The following DCDC2 variants were observed in gnomAD, a reference collection of about 807,000 sequenced individuals.
The protein encoded by DCDC2 is doublecortin domain-containing protein 2.
In DCDC2, 40 loss-of-function variants were observed where a neutral mutation model predicts 50.2. The observed-to-expected ratio is 0.80, with a 90% confidence interval of 0.62 to 1.04. DCDC2 has a LOEUF of 1.04. Among genes scored for constraint, DCDC2 ranks in the 50% least tolerant of loss-of-function variants. The probability of loss-of-function intolerance (pLI) is 0.00; values close to 1 mark genes in which losing one functional copy is unlikely to be tolerated. For synonymous variants in DCDC2, 234 were observed against 210.6 expected, an observed-to-expected ratio of 1.11 and a Z score of -0.96; for missense variants, 570 against 581.9, an observed-to-expected ratio of 0.98 and a Z score of 0.21.
chr6:24,290,680 A>C (rs1260162398), intron 5 of DCDC2, among the ~76,000 whole-genome samples: 1 of 149,712 alleles, frequency 6.7e-6, no homozygotes, highest in Non-Finnish European at 1.5e-5. Context: ...GCATTTACTT[A>C]TAAATTTCAT....
At chr6:24,195,419 C>A (rs1761411029) in intron 8 of DCDC2, among the ~76,000 whole-genome samples, 1 of 152,104 alleles carries the variant, frequency 6.6e-6, no homozygotes, top group Non-Finnish European at 1.5e-5. Context: ...ACCATTTTAA[C>A]CACTCTTAAG....
At chr6:24,358,315 A>C (rs1467389013), upstream of DCDC2, 1 of 177,618 alleles carries the variant, frequency 5.6e-6, no homozygotes, top group Non-Finnish European at 1.3e-5. Context: ...CTTTGCTGGA[A>C]GATAAATGTG....
intron 7 of DCDC2, among the ~76,000 whole-genome samples, chr6:24,248,952 T>C (rs1382431272): frequency 1.3e-5 from 2 of 152,180 alleles, no homozygotes; most frequent in African/African-American, 4.8e-5. Context: ...GCCCCATCCA[T>C]CCATCCAGTG....
chr6:24,217,618 G>A (rs967630714), intron 7 of DCDC2, among the ~76,000 whole-genome samples: 1 of 152,118 alleles, frequency 6.6e-6, no homozygotes, highest in Non-Finnish European at 1.5e-5. Flanking sequence ...CAGGTAATAG[G>A]CCTGAATTGC....
At position 24,216,746 on chromosome 6, in the gene DCDC2, C is replaced by T. The variant is rs147286005; in HGVS notation, c.923-11644G>A. 3.3e-4 allele frequency among the ~76,000 whole-genome samples: 51 copies of T among 152,360 alleles called. 1 individual carries two copies. The East Asian group carries it at 9.4e-3, about 28-fold the overall frequency. ...ACAAGCATGTCTCATGAAATGCAAA[C>T]ATTTGTACAGAAATTTAAACAATTC... On this transcript the variant is annotated intron_variant, in intron 7 of 9. Transcript: ENST00000378454.
intron 7 of DCDC2, among the ~76,000 whole-genome samples, chr6:24,220,925 A>AGAGAGTGAGCGAGC (rs1762105886): frequency 3.3e-5 from 5 of 152,118 alleles, no homozygotes; most frequent in South Asian, 2.1e-4. Context: ...CGAGCGAGCG[A>AGAGAGTGAGCGAGC]GAGCACATGC....
chr6:24,262,582 G>T (rs960242506), intron 7 of DCDC2, among the ~76,000 whole-genome samples: 1 of 152,154 alleles, frequency 6.6e-6, no homozygotes, highest in African/African-American at 2.4e-5. Flanking sequence ...AGTACAGCTC[G>T]CAGCTTTGGG....
At chr6:24,346,575 A>G (rs867018954) in intron 2 of DCDC2, among the ~76,000 whole-genome samples, 1 of 152,072 alleles carries the variant, frequency 6.6e-6, no homozygotes, top group South Asian at 2.1e-4. Context: ...AGCCAACATG[A>G]CAAACCCCCA....
At chr6:24,263,349 G>T (rs1407346142) in intron 7 of DCDC2, among the ~76,000 whole-genome samples, 1 of 152,050 alleles carries the variant, frequency 6.6e-6, no homozygotes, top group Non-Finnish European at 1.5e-5. Flanking sequence ...AACATCCAAA[G>T]CATCGAGACC....
chr6:24,361,169 G>A (rs1384426947), upstream of DCDC2, among the ~76,000 whole-genome samples: 1 of 152,022 alleles, frequency 6.6e-6, no homozygotes, highest in Non-Finnish European at 1.5e-5. Context: ...TCAAACGCAG[G>A]AACAAAAAAC....
intron 2 of DCDC2, among the ~76,000 whole-genome samples, chr6:24,345,783 T>C (rs995283585): frequency 1.3e-5 from 2 of 152,144 alleles, no homozygotes; most frequent in African/African-American, 4.8e-5. Context: ...GAGTTATTGA[T>C]GGATATCAAT....
intron 2 of DCDC2, among the ~76,000 whole-genome samples, chr6:24,323,187 A>C (rs74873952): frequency 0.013 from 1,996 of 152,342 alleles, 27 homozygotes; most frequent in African/African-American, 0.045. Context: ...TCCAGCCTCC[A>C]GAGCAAGACT....
chr6:24,181,557 G>A (rs939376703), intron 8 of DCDC2, among the ~76,000 whole-genome samples: 1 of 152,126 alleles, frequency 6.6e-6, no homozygotes, highest in African/African-American at 2.4e-5. Context: ...CAATCTGGAA[G>A]GAGATTACAG....
chr6:24,314,694 C>T (rs1185646983), intron 2 of DCDC2, among the ~76,000 whole-genome samples: 1 of 151,848 alleles, frequency 6.6e-6, no homozygotes, highest in Non-Finnish European at 1.5e-5. Context: ...ATATAATAAC[C>T]TATAAACTTC....
chr6:24,333,285 C>T (rs1759999690), intron 2 of DCDC2, among the ~76,000 whole-genome samples: 2 of 152,112 alleles, frequency 1.3e-5, no homozygotes, highest in African/African-American at 2.4e-5. Flanking sequence ...ACATACTCCA[C>T]TTCTTGAAAG....
At chr6:24,346,152 T>TAAA (rs58725760) in intron 2 of DCDC2, among the ~76,000 whole-genome samples, 12 of 133,096 alleles carry the variant, frequency 9.0e-5, no homozygotes, top group African/African-American at 2.0e-4. Flanking sequence ...AGACTCTGTC[T>TAAA]AAAAAAAAAA....
At chr6:24,239,326 C>T (rs1220104589) in intron 7 of DCDC2, among the ~76,000 whole-genome samples, 2 of 152,148 alleles carry the variant, frequency 1.3e-5, no homozygotes, top group Non-Finnish European at 2.9e-5. Context: ...CCAAGGTCCT[C>T]ATAGAAACAC....
chr6:24,217,686 A>G (rs1278501160), intron 7 of DCDC2, among the ~76,000 whole-genome samples: 3 of 152,216 alleles, frequency 2.0e-5, no homozygotes, highest in African/African-American at 7.2e-5. Flanking sequence ...TTACAGATTA[A>G]TGTGCTTTGA....
chr6:24,345,361 G>A (rs796470406), intron 2 of DCDC2, among the ~76,000 whole-genome samples: 2 of 152,254 alleles, frequency 1.3e-5, no homozygotes, highest in African/African-American at 4.8e-5. Context: ...TTTTAATAAT[G>A]ATATTCAAAA....
Sources: gnomAD v4.1 joint callset for allele counts (sites outside exome capture counted in the v4.1 genomes callset) on GRCh38, gnomAD v4.1.1 for gene constraint, MANE v1.5 for transcripts, NCBI Gene and HGNC (gene_info 2026-07-23, HGNC 2026-07-21) for gene names.